POM121C: variants seen among roughly 807,000 people sequenced by gnomAD.
The protein encoded by POM121C is nuclear envelope pore membrane protein POM 121C.
In POM121C, 20 loss-of-function variants were observed where a neutral mutation model predicts 66.4. That is an observed-to-expected ratio of 0.30 (90% CI 0.21 to 0.44). The LOEUF (loss-of-function observed/expected upper bound fraction) is 0.44. POM121C is among the 20% of genes least tolerant of loss of function. POM121C has a pLI of 1.00. For synonymous variants in POM121C, 286 were observed against 528.0 expected (o/e 0.54, Z 6.28); for missense variants, 580 against 1,225.7 (o/e 0.47, Z 7.87).
chr7:75,432,184 C>CAA (rs57890055), intron 7 of POM121C, among the ~76,000 whole-genome samples: 6 of 107,746 alleles, frequency 5.6e-5, no homozygotes, highest in African/African-American at 1.4e-4. Context: ...GAATCTGTCT[C>CAA]AAAAAAAAAA....
chr7:75,439,911 C>T (rs1322675023), intron 5 of POM121C, among the ~76,000 whole-genome samples: 4 of 142,660 alleles, frequency 2.8e-5, no homozygotes, highest in African/African-American at 5.1e-5. Context: ...GAGACAGTCT[C>T]GCTCTGTCAC....
At chr7:75,444,250 A>G (rs1192573802) in intron 3 of POM121C, among the ~76,000 whole-genome samples, 16 of 37,174 alleles carry the variant, frequency 4.3e-4, no homozygotes, top group African/African-American at 1.3e-3. Flanking sequence ...CTTAATTTGA[A>G]AAAAAAAGGG....
At chr7:75,452,119 G>A (rs1211185437) in intron 3 of POM121C, among the ~76,000 whole-genome samples, 9 of 152,156 alleles carry the variant, frequency 5.9e-5, no homozygotes, top group African/African-American at 1.7e-4. Context: ...GGCCGAGATC[G>A]CGCTGCTGCA....
At chr7:75,442,015 G>A (rs1554474085) in intron 3 of POM121C, 3 of 694,586 alleles carry the variant, frequency 4.3e-6, no homozygotes, top group Non-Finnish European at 6.8e-6. Context: ...ACACCAAGGT[G>A]TTAAGGAGGG....
intron 3 of POM121C, among the ~76,000 whole-genome samples, chr7:75,461,040 A>G (rs1220279650): frequency 2.6e-5 from 4 of 152,150 alleles, no homozygotes; most frequent in Admixed American, 2.0e-4. Flanking sequence ...TTCAGTGACC[A>G]CACAAGCACA....
chr7:75,463,081 G>A (rs1278116330), intron 3 of POM121C, among the ~76,000 whole-genome samples: 3 of 152,160 alleles, frequency 2.0e-5, no homozygotes, highest in African/African-American at 7.2e-5. Flanking sequence ...CCAGCACTTT[G>A]GGAGGCTGAG....
chr7:75,423,874 A>G (rs782546734), intron 12 of POM121C, among the ~76,000 whole-genome samples, 175 bp downstream of exon 12: 1 of 152,060 alleles, frequency 6.6e-6, no homozygotes, highest in Non-Finnish European at 1.5e-5. Flanking sequence ...CTTCTCTAAC[A>G]CTTCCTGATG....
In POM121C at chr7:75,448,080, G is replaced by A. The variant is rs148450193; in HGVS notation, c.-151-6433C>T. On this transcript the variant is annotated intron_variant, in intron 3 of 14. Coordinates refer to ENST00000615331, the MANE Select transcript of POM121C (RefSeq NM_001099415.3). ...AACAAAACACAAAAATTAGCTAAGC[G>A]TAGTGGCACATGCCTGGAGTCTCAG... Among the ~76,000 whole-genome samples, 1,180 of 151,140 alleles carry A rather than the reference G, an allele frequency of 7.8e-3. 10 individuals carry two copies. Among genetic ancestry groups the A allele is most frequent in the African/African-American group, 0.027 (1,122 of 41,210 alleles).
chr7:75,466,893 A>G (rs148858574), intron 3 of POM121C, among the ~76,000 whole-genome samples: 243 of 152,342 alleles, frequency 1.6e-3, no homozygotes, highest in African/African-American at 5.7e-3. Flanking sequence ...CTCATTTTTT[A>G]TAAGTGGGAA....
intron 7 of POM121C, among the ~76,000 whole-genome samples, chr7:75,435,780 T>C (rs1483011372): frequency 9.2e-5 from 14 of 152,244 alleles, no homozygotes; most frequent in African/African-American, 3.4e-4. Context: ...CCAGGCATGG[T>C]GGCTCACACC....
chr7:75,466,943 C>T (rs1375619555), intron 3 of POM121C, among the ~76,000 whole-genome samples: 1 of 152,208 alleles, frequency 6.6e-6, no homozygotes, highest in South Asian at 2.1e-4. Context: ...AAATGACAGT[C>T]AATGACAGAG....
intron 6 of POM121C, among the ~76,000 whole-genome samples, chr7:75,438,834 T>C (rs1276889769): frequency 6.6e-6 from 1 of 152,240 alleles, no homozygotes; most frequent in Non-Finnish European, 1.5e-5. Context: ...AATTAAACAT[T>C]TAAGTTTCAT....
intron 3 of POM121C, among the ~76,000 whole-genome samples, chr7:75,455,746 G>A (rs1217598994): frequency 6.6e-6 from 1 of 152,176 alleles, no homozygotes; most frequent in Non-Finnish European, 1.5e-5. Context: ...ACTGCACTGT[G>A]CTGCGTATCT....
At chr7:75,476,002 G>C (rs1480828470) in intron 1 of POM121C, among the ~76,000 whole-genome samples, 1 of 152,086 alleles carries the variant, frequency 6.6e-6, no homozygotes, top group Non-Finnish European at 1.5e-5. Context: ...GGTTGGGGCT[G>C]GGCATGGTGG....
intron 3 of POM121C, among the ~76,000 whole-genome samples, chr7:75,455,136 G>A (rs1260879042): frequency 2.0e-3 from 304 of 148,774 alleles, no homozygotes; most frequent in African/African-American, 6.7e-3. Flanking sequence ...AAATCAGGGA[G>A]AGTCTGGTTC....
chr7:75,418,843 C>A lies in POM121C; in HGVS notation c.2917G>T (p.Ala973Ser), dbSNP rs1554470169. ...SIGAGSKTPGARQRLQARRQH... is the reference protein window; with the variant it reads ...SIGAGSKTPGSRQRLQARRQH... ...CTTCGGGCCTGCAGTCGCTGTCGAG[C>A]CCCTGGGGTCTTGGATCCCGCACCA... The change falls in exon 15 of 15, where the codon GCT becomes TCT. Residue 973 changes from alanine to serine, a missense_variant. Transcript: ENST00000615331. 6.2e-7 allele frequency: 1 copy of A among 1,611,802 alleles called. No homozygotes were observed. The highest frequency in any genetic ancestry group is 1.3e-5 in the African/African-American group (1 of 74,852).
intron 3 of POM121C, among the ~76,000 whole-genome samples, chr7:75,472,634 G>A (rs587654445): frequency 1.2e-3 from 189 of 152,116 alleles, no homozygotes; most frequent in Non-Finnish European, 2.1e-3. Context: ...GTGAAACCCC[G>A]TCTCTACTAA....
At chr7:75,438,281 G>C (rs1554473288) in intron 6 of POM121C, among the ~76,000 whole-genome samples, 1 of 152,212 alleles carries the variant, frequency 6.6e-6, no homozygotes, top group Non-Finnish European at 1.5e-5. Flanking sequence ...TATTCTCACA[G>C]TGGATTACAA....
intron 13 of POM121C, chr7:75,421,146 T>C (rs1200021065): frequency 8.2e-6 from 3 of 367,062 alleles, no homozygotes; most frequent in Non-Finnish European, 9.8e-6. Context: ...GCTAATTTTT[T>C]GGTATTTTTA....
Sources: gnomAD v4.1 joint callset for allele counts (sites outside exome capture counted in the v4.1 genomes callset) on GRCh38, gnomAD v4.1.1 for gene constraint, MANE v1.5 for transcripts, NCBI Gene and HGNC (gene_info 2026-07-23, HGNC 2026-07-21) for gene names.